Variants in BLTP2 observed in about 807,000 individuals in gnomAD.
BLTP2 encodes the protein U937-associated antigen.
At chr17:28,627,441 C>T in the BLTP2 span, among the ~76,000 whole-genome samples, 2 of 151,256 alleles carry the variant, frequency 1.3e-5, no homozygotes, top group East Asian at 1.9e-4. Flanking sequence ...GAGACTTGCT[C>T]TGTGGCCCAG....
chr17:28,623,350 A>G, the BLTP2 span, among the ~76,000 whole-genome samples: 1 of 152,200 alleles, frequency 6.6e-6, no homozygotes, highest in Non-Finnish European at 1.5e-5. Flanking sequence ...GCAGTCTTTC[A>G]TTCAACCTCA....
chr17:28,645,007 C>T, the BLTP2 span: 1 of 1,593,974 alleles, frequency 6.3e-7, no homozygotes, highest in South Asian at 1.1e-5. Flanking sequence ...AAAGAGGGCG[C>T]TAAGCGCAAC....
chr17:28,639,728 A>T, the BLTP2 span: 1 of 1,429,114 alleles, frequency 7.0e-7, no homozygotes, highest in South Asian at 1.1e-5. Flanking sequence ...CGGCAAAGGG[A>T]TCAACAGACT....
At chr17:28,614,470 T>C in the BLTP2 span, 41 of 388,066 alleles carry the variant, frequency 1.1e-4, no homozygotes, top group African/African-American at 8.4e-4. Flanking sequence ...TCTTTTTTTT[T>C]CTCTTTAAAT....
At chr17:28,621,095 T>G in the BLTP2 span, 1 of 1,614,172 alleles carries the variant, frequency 6.2e-7, no homozygotes, top group Non-Finnish European at 8.5e-7. Flanking sequence ...ACTAATATAG[T>G]ACATTCGGCA....
the BLTP2 span, chr17:28,633,262 C>T: frequency 1.2e-6 from 2 of 1,601,384 alleles, no homozygotes; most frequent in Non-Finnish European, 8.6e-7. Context: ...CCATGGAGGA[C>T]CCTCCCTTCA....
At chr17:28,625,163 C>G in the BLTP2 span, among the ~76,000 whole-genome samples, 1 of 151,464 alleles carries the variant, frequency 6.6e-6, no homozygotes, top group Non-Finnish European at 1.5e-5. Context: ...TGGTGATACT[C>G]CATCTCTACT....
At chr17:28,623,616 A>G in the BLTP2 span, 1 of 670,102 alleles carries the variant, frequency 1.5e-6, no homozygotes, top group Admixed American at 2.9e-5. Flanking sequence ...CTTCCAGACC[A>G]GAGATTGCCC....
the BLTP2 span, chr17:28,616,486 G>C: frequency 6.2e-7 from 1 of 1,614,018 alleles, no homozygotes; most frequent in Non-Finnish European, 8.5e-7. The surrounding 1 kb of genome is among the most constrained non-coding windows in gnomAD (Gnocchi z 4.8). Context: ...GCAATCAGCT[G>C]CCGAGGCTTC....
the BLTP2 span, chr17:28,643,758 T>C: frequency 2.5e-6 from 3 of 1,210,296 alleles, no homozygotes; most frequent in South Asian, 3.7e-5. Flanking sequence ...GAATTTCTCT[T>C]TCATAGCCAT....
the BLTP2 span, among the ~76,000 whole-genome samples, chr17:28,625,847 C>A: frequency 6.6e-6 from 1 of 152,260 alleles, no homozygotes; most frequent in South Asian, 2.1e-4. Flanking sequence ...CTCACTGCAA[C>A]CTCCACCCCC....
chr17:28,645,155 G>T, the BLTP2 span: 1 of 1,003,416 alleles, frequency 1.0e-6, no homozygotes, highest in Non-Finnish European at 1.3e-6. Flanking sequence ...AGCTGCGCGC[G>T]CAGGAGCAAC....
the BLTP2 span, among the ~76,000 whole-genome samples, chr17:28,641,005 G>T: frequency 6.6e-6 from 1 of 152,208 alleles, no homozygotes; most frequent in African/African-American, 2.4e-5. Context: ...ACCTTCCTAG[G>T]CTTCAGTTTC....
chr17:28,644,178 C>G, the BLTP2 span: 8 of 1,613,200 alleles, frequency 5.0e-6, no homozygotes, highest in East Asian at 1.6e-4. Context: ...CCAACCGGAC[C>G]ACAAGCCACC....
the BLTP2 span, chr17:28,640,310 T>C: frequency 2.0e-6 from 1 of 505,010 alleles, no homozygotes; most frequent in African/African-American, 1.9e-5. Context: ...GGAGAATCGC[T>C]TGAACCTGGG....
At chr17:28,633,774 A>G in the BLTP2 span, 21 of 1,609,218 alleles carry the variant, frequency 1.3e-5, no homozygotes, top group South Asian at 7.7e-5. Flanking sequence ...AACAAAGGCT[A>G]TAACTTGTTC....
At chr17:28,631,950 G>C in the BLTP2 span, 2 of 1,611,620 alleles carry the variant, frequency 1.2e-6, no homozygotes, top group Non-Finnish European at 1.7e-6. Context: ...CATTAACAAA[G>C]GATGGCATGA....
chr17:28,628,577 G>C, the BLTP2 span: 1 of 1,608,690 alleles, frequency 6.2e-7, no homozygotes. Context: ...ACAGGAAAAG[G>C]ACTTCAGGGT....
At chr17:28,616,813 C>A in the BLTP2 span, 29 of 1,610,126 alleles carry the variant, frequency 1.8e-5, no homozygotes, top group Non-Finnish European at 2.4e-5. The surrounding 1 kb of genome is among the most constrained non-coding windows in gnomAD (Gnocchi z 4.8). Context: ...AGTTTACCTA[C>A]TCCTAATATC....
Sources: allele counts gnomAD v4.1 joint callset (sites outside exome capture counted in the v4.1 genomes callset), GRCh38; gene constraint gnomAD v4.1.1; non-coding constraint Gnocchi (gnomAD v3.1); transcripts MANE v1.5; gene names NCBI Gene and HGNC (gene_info 2026-07-23, HGNC 2026-07-21).